The following METAP1 variants were observed in gnomAD, a reference collection of about 807,000 sequenced individuals.
METAP1 encodes methionine aminopeptidase 1.
In METAP1, 28 loss-of-function variants were observed where a neutral mutation model predicts 53.8. The observed-to-expected ratio is 0.52, with a 90% CI of 0.39 to 0.71. The LOEUF is 0.71. Among genes scored for constraint, METAP1 ranks in the 30% least tolerant of loss-of-function variants. The pLI, the probability that METAP1 is intolerant of heterozygous loss-of-function variation, is 0.00. For synonymous variants in METAP1, 181 were observed against 165.7 expected, an observed-to-expected ratio of 1.09 and a Z score of -0.71; for missense variants, 389 against 479.8, an observed-to-expected ratio of 0.81 and a Z score of 1.77.
intron 8 of METAP1, among the ~76,000 whole-genome samples, chr4:99,047,969 G>A (rs1726390158): frequency 1.3e-5 from 2 of 152,182 alleles, no homozygotes; most frequent in Non-Finnish European, 2.9e-5. Flanking sequence ...GGATAAAGAA[G>A]CCCAGGGGAA....
Position 99,061,179 on chromosome 4 carries a change from A to G in METAP1, c.1023A>G (p.Pro341=). 1 of 1,613,624 alleles carries G rather than the reference A, an allele frequency of 6.2e-7. No individual in the cohort carries two copies. Among genetic ancestry groups the G allele is most frequent in the Non-Finnish European group, 8.5e-7 (1 of 1,179,732 alleles). Residue 341 remains proline (P), a synonymous_variant, in exon 11 of 11, where the codon CCA becomes CCG. Transcript: ENST00000296411. The stretch of plus-strand genomic sequence containing the variant: ...GCGGATGGCAGGATGAAACCTGGCC[A>G]GATGGTTGGACTGCGGTGACAAGAG... ...CEGGWQDETW[P]DGWTAVTRDG...
chr4:99,018,264 T>G (rs919462393), intron 1 of METAP1, among the ~76,000 whole-genome samples: 1 of 152,234 alleles, frequency 6.6e-6, no homozygotes, highest in Non-Finnish European at 1.5e-5. Context: ...TGTTTCTACA[T>G]ATTGGAGCTC....
Position 99,043,265 on chromosome 4 carries a change from A to G in METAP1, c.533A>G (p.Asn178Ser). The change falls in exon 7 of 11, where the codon AAT becomes AGT. Residue 178 changes from asparagine (N) to serine (S), a missense_variant. By Grantham distance (46) the Asn-to-Ser change is conservative. Transcript: ENST00000296411. The stretch of plus-strand genomic sequence containing the variant: ...GTATTATAGGCATGTATTGCAAGAA[A>G]TTGCTACCCTTCTCCCCTGAATTAT... The part of the protein sequence containing the change: ...HAVHLACIAR[N>S]CYPSPLNYYN... The G allele has an allele frequency of 6.3e-7, 1 of 1,591,440 alleles. No homozygotes were observed. The highest frequency in any genetic ancestry group is 8.6e-7 in the Non-Finnish European group (1 of 1,164,472).
chr4:99,052,645 G>C (rs1002766069), intron 9 of METAP1, among the ~76,000 whole-genome samples: 1 of 152,140 alleles, frequency 6.6e-6, no homozygotes, highest in African/African-American at 2.4e-5. Flanking sequence ...CTTTCCACCA[G>C]GCCTCTCCTC....
chr4:99,032,188 A>G (rs748537645), intron 2 of METAP1, among the ~76,000 whole-genome samples: 1 of 150,414 alleles, frequency 6.6e-6, no homozygotes, highest in Non-Finnish European at 1.5e-5. Flanking sequence ...TTTGGGTTAT[A>G]TTATTTGTTT....
At chr4:99,006,231 A>G (rs1723172686) in intron 1 of METAP1, among the ~76,000 whole-genome samples, 1 of 152,238 alleles carries the variant, frequency 6.6e-6, no homozygotes, top group Non-Finnish European at 1.5e-5. Flanking sequence ...TTGTATAGAC[A>G]AGAAGTACTG....
At chr4:99,047,407 C>G (rs1049236619) in intron 8 of METAP1, among the ~76,000 whole-genome samples, 3 of 152,166 alleles carry the variant, frequency 2.0e-5, no homozygotes, top group Non-Finnish European at 2.9e-5. Flanking sequence ...AAGACTTCCT[C>G]TGTCACTCTT....
chr4:99,000,022 A>G (rs1032327323), intron 1 of METAP1, among the ~76,000 whole-genome samples: 4 of 152,154 alleles, frequency 2.6e-5, no homozygotes, highest in Non-Finnish European at 5.9e-5. Flanking sequence ...TGTATTTTCC[A>G]AAGTGCCTTG....
intron 9 of METAP1, among the ~76,000 whole-genome samples, chr4:99,053,370 C>T (rs2110415817): frequency 6.6e-6 from 1 of 152,350 alleles, no homozygotes; most frequent in African/African-American, 2.4e-5. Flanking sequence ...CCACCTCAGC[C>T]TCCTGAGTAA....
At chr4:99,044,370 A>G (rs1038629568) in intron 7 of METAP1, among the ~76,000 whole-genome samples, 39 of 152,348 alleles carry the variant, frequency 2.6e-4, no homozygotes, top group African/African-American at 9.4e-4. Context: ...TGTGAATGAT[A>G]GCCGAAATTT....
intron 1 of METAP1, among the ~76,000 whole-genome samples, chr4:99,006,626 C>G (rs182132661): frequency 6.6e-6 from 1 of 152,296 alleles, no homozygotes; most frequent in Admixed American, 6.5e-5. Context: ...CAAGAATTCT[C>G]TGATTTCATC....
intron 1 of METAP1, among the ~76,000 whole-genome samples, chr4:99,004,446 TACACAC>T (rs1189663861): frequency 0.029 from 2,299 of 80,076 alleles, 51 homozygotes; most frequent in African/African-American, 0.071. Flanking sequence ...TGTGGACAGA[TACACAC>T]ACACACACAC....
chr4:99,013,239 T>A (rs1378158867), intron 1 of METAP1, among the ~76,000 whole-genome samples: 1 of 152,204 alleles, frequency 6.6e-6, no homozygotes, highest in East Asian at 1.9e-4. Flanking sequence ...ATTACTTCTT[T>A]CTTTTATGAA....
intron 1 of METAP1, among the ~76,000 whole-genome samples, chr4:99,015,676 A>G (rs1419216252): frequency 6.6e-6 from 1 of 152,156 alleles, no homozygotes; most frequent in East Asian, 1.9e-4. Flanking sequence ...TGGGAGTGAG[A>G]GACTGTTAGA....
intron 10 of METAP1, among the ~76,000 whole-genome samples, chr4:99,059,291 C>T (rs1275642925): frequency 6.6e-6 from 1 of 152,178 alleles, no homozygotes; most frequent in Non-Finnish European, 1.5e-5. Flanking sequence ...ACTAAAAATC[C>T]TGTTTTATCA....
intron 1 of METAP1, 76 bp downstream of exon 1, chr4:98,995,943 C>G (rs1374121220): frequency 5.7e-6 from 7 of 1,222,542 alleles, no homozygotes; most frequent in Non-Finnish European, 5.8e-6. Context: ...GCTCCTCCCG[C>G]CCTTGCGGCG....
intron 8 of METAP1, among the ~76,000 whole-genome samples, chr4:99,048,525 A>G (rs1726440574): frequency 6.6e-6 from 1 of 152,140 alleles, no homozygotes; most frequent in Admixed American, 6.5e-5. Flanking sequence ...ATGCACCACT[A>G]TGCGGGACTA....
chr4:99,012,413 T>TA (rs960541649), intron 1 of METAP1, among the ~76,000 whole-genome samples: 1 of 151,764 alleles, frequency 6.6e-6, no homozygotes, highest in African/African-American at 2.4e-5. Context: ...TGCACTGACT[T>TA]ACAGGTGCCT....
chr4:99,047,375 T>C (rs543856681), intron 8 of METAP1, among the ~76,000 whole-genome samples: 1 of 152,280 alleles, frequency 6.6e-6, no homozygotes, highest in Admixed American at 6.5e-5. Flanking sequence ...GGGCCGCAGT[T>C]GGAGCAGTTT....
Sources: gnomAD v4.1 joint callset for allele counts (sites outside exome capture counted in the v4.1 genomes callset) on GRCh38, gnomAD v4.1.1 for gene constraint, MANE v1.5 for transcripts, NCBI Gene and HGNC (gene_info 2026-07-23, HGNC 2026-07-21) for gene names.